SETD3: variants seen among roughly 807,000 people sequenced by gnomAD.
SETD3 encodes the protein actin-histidine N-methyltransferase.
SETD3 carries 19 observed loss-of-function variants against 63.0 expected under a neutral mutation model. That is an observed-to-expected ratio of 0.30 (90% CI 0.21 to 0.44). The LOEUF is 0.44. Among genes scored for constraint, SETD3 ranks in the 20% least tolerant of loss-of-function variants. The probability of loss-of-function intolerance (pLI) is 1.00; values close to 1 mark genes in which losing one functional copy is unlikely to be tolerated. For missense variants in SETD3, 587 were observed against 728.5 expected (o/e 0.81, Z 2.24); for synonymous variants, 286 against 264.1 (o/e 1.08, Z -0.80).
At chr14:99,438,325 C>T (rs368950040) in intron 6 of SETD3, among the ~76,000 whole-genome samples, 60 of 152,314 alleles carry the variant, frequency 3.9e-4, no homozygotes, top group African/African-American at 1.4e-3. Flanking sequence ...TTGACTTCTG[C>T]ATACAAAAGG....
chr14:99,483,886 C>A (rs901194187), upstream of SETD3, among the ~76,000 whole-genome samples: 8 of 152,084 alleles, frequency 5.3e-5, no homozygotes, highest in African/African-American at 1.7e-4. Context: ...AGATAAGCAG[C>A]GTGATTCTCA....
At chr14:99,485,117 A>T (rs1385902928), upstream of SETD3, among the ~76,000 whole-genome samples, 1 of 152,194 alleles carries the variant, frequency 6.6e-6, no homozygotes, top group Non-Finnish European at 1.5e-5. Context: ...GATTTTGAGG[A>T]CTGTCTCTAT....
At chr14:99,409,158 G>C (rs1238477679) in intron 8 of SETD3, among the ~76,000 whole-genome samples, 1 of 152,144 alleles carries the variant, frequency 6.6e-6, no homozygotes, top group Non-Finnish European at 1.5e-5. Flanking sequence ...GCCGCTTCCT[G>C]CCTCCCACAC....
intron 6 of SETD3, among the ~76,000 whole-genome samples, chr14:99,432,923 T>G (rs573806726): frequency 3.3e-5 from 5 of 152,164 alleles, no homozygotes; most frequent in Middle Eastern, 6.8e-3. Context: ...GGAGTTCTTA[T>G]AAAGGACACA....
At chr14:99,442,902 A>T (rs773970580) in intron 6 of SETD3, among the ~76,000 whole-genome samples, 2 of 152,190 alleles carry the variant, frequency 1.3e-5, no homozygotes, top group Non-Finnish European at 2.9e-5. Flanking sequence ...GCGAATACCC[A>T]GGTGCATCTC....
intron 6 of SETD3, among the ~76,000 whole-genome samples, chr14:99,421,558 A>C (rs1439424547): frequency 2.6e-5 from 4 of 152,112 alleles, no homozygotes; most frequent in African/African-American, 4.8e-5. Context: ...GAAAGGTATG[A>C]CCTCAGCTTG....
intron 6 of SETD3, among the ~76,000 whole-genome samples, chr14:99,430,607 C>T (rs1893119319): frequency 6.6e-6 from 1 of 152,200 alleles, no homozygotes; most frequent in Non-Finnish European, 1.5e-5. Flanking sequence ...AAGTGCCAAA[C>T]ATTAGGCTAG....
intron 6 of SETD3, among the ~76,000 whole-genome samples, chr14:99,416,252 T>C (rs984853372): frequency 6.6e-6 from 1 of 152,194 alleles, no homozygotes; most frequent in Non-Finnish European, 1.5e-5. Flanking sequence ...AAAACCTTTT[T>C]TCCCTGTTGA....
intron 6 of SETD3, among the ~76,000 whole-genome samples, chr14:99,416,570 C>T (rs1030729190): frequency 6.6e-6 from 1 of 152,176 alleles, no homozygotes; most frequent in African/African-American, 2.4e-5. Context: ...GACACAGACA[C>T]ACATGGGATG....
intron 5 of SETD3, among the ~76,000 whole-genome samples, chr14:99,458,758 C>A: frequency 1.0e-5 from 1 of 99,816 alleles, no homozygotes; most frequent in African/African-American, 4.2e-5. Flanking sequence ...GGCAATATAG[C>A]AAAACCCCAT....
chr14:99,411,183 C>T (rs1218387503), intron 8 of SETD3: 1 of 152,214 alleles, frequency 6.6e-6, no homozygotes, highest in Non-Finnish European at 1.5e-5. Context: ...AAAGTACCAG[C>T]ATCCTGAATA....
chr14:99,404,467 T>A (rs757110453), intron 10 of SETD3, among the ~76,000 whole-genome samples, 157 bp from the exon 11 acceptor site: 6 of 152,196 alleles, frequency 3.9e-5, no homozygotes, highest in Non-Finnish European at 7.3e-5. Context: ...GAGCACGATT[T>A]TCAGCCCCTG....
rs1892084965 is a variant in SETD3, at chr14:99,412,977, C to T, written c.823G>A (p.Asp275Asn). The change falls in exon 8 of 13, where the codon GAT becomes AAT. Residue 275 changes from aspartate (D) to asparagine (N), a missense_variant. Coordinates refer to ENST00000331768, the MANE Select transcript of SETD3 (RefSeq NM_032233.3). ...RVTLALIPLW[D>N]MCNHTNGLIT... Reference sequence around the variant, plus strand: ...AGGCCGTTGGTGTGGTTACACATATCCCATAAAGGAATCAGAGCCAGGGTC... The same window carrying T: ...AGGCCGTTGGTGTGGTTACACATATTCCATAAAGGAATCAGAGCCAGGGTC... 6.2e-7 allele frequency: 1 copy of T among 1,613,688 alleles called. No homozygotes were observed. Among genetic ancestry groups the T allele is most frequent in the Non-Finnish European group, 8.5e-7 (1 of 1,179,638 alleles).
At chr14:99,424,959 T>C (rs1383738705) in intron 6 of SETD3, among the ~76,000 whole-genome samples, 1 of 151,646 alleles carries the variant, frequency 6.6e-6, no homozygotes, top group Non-Finnish European at 1.5e-5. Context: ...TTCACAACAC[T>C]CAGCACCCGG....
At chr14:99,444,087 G>C (rs745370529) in intron 6 of SETD3, among the ~76,000 whole-genome samples, 8 of 152,176 alleles carry the variant, frequency 5.3e-5, no homozygotes, top group Non-Finnish European at 8.8e-5. Context: ...GGCTGAGCTA[G>C]TGGGTCACAA....
At chr14:99,438,379 T>C (rs187075224) in intron 6 of SETD3, among the ~76,000 whole-genome samples, 8 of 152,348 alleles carry the variant, frequency 5.3e-5, no homozygotes, top group Admixed American at 5.2e-4. Flanking sequence ...CTGTCTGAAC[T>C]GAAAGCTCGG....
chr14:99,463,613 T>A (rs777789153), intron 2 of SETD3, 35 bp from the exon 3 acceptor site: 1 of 1,538,786 alleles, frequency 6.5e-7, no homozygotes, highest in Admixed American at 1.7e-5. Context: ...GAAACACTTC[T>A]CTCTTTCAAC....
intron 6 of SETD3, among the ~76,000 whole-genome samples, chr14:99,438,826 G>A (rs75061583): frequency 0.023 from 3,553 of 152,270 alleles, 58 homozygotes; most frequent in Middle Eastern, 0.061. Flanking sequence ...CCCTCTCACC[G>A]TGAACAGGCC....
chr14:99,414,636 A>C (rs1892192700), intron 6 of SETD3, among the ~76,000 whole-genome samples: 1 of 152,184 alleles, frequency 6.6e-6, no homozygotes, highest in African/African-American at 2.4e-5. Context: ...CTAAAACTTC[A>C]CTTTTATGAG....
Sources: allele counts gnomAD v4.1 joint callset (sites outside exome capture counted in the v4.1 genomes callset), GRCh38; gene constraint gnomAD v4.1.1; transcripts MANE v1.5; gene names NCBI Gene and HGNC (gene_info 2026-07-23, HGNC 2026-07-21).